FHIT: variants seen among roughly 807,000 people sequenced by gnomAD.
The protein encoded by FHIT is bis(5'-adenosyl)-triphosphatase.
FHIT carries 19 observed loss-of-function variants against 17.9 expected under a neutral mutation model. That is an observed-to-expected ratio of 1.06 (90% CI 0.74 to 1.56). The LOEUF (loss-of-function observed/expected upper bound fraction) is 1.56. Among genes scored for constraint, FHIT ranks in the 40% most tolerant of loss-of-function variants. FHIT has a pLI of 0.00. For synonymous variants in FHIT, 81 were observed against 69.7 expected, an observed-to-expected ratio of 1.16 and a Z score of -0.81; for missense variants, 248 against 189.2, an observed-to-expected ratio of 1.31 and a Z score of -1.82.
chr3:60,494,029 A>C (rs1435560539), intron 5 of FHIT, among the ~76,000 whole-genome samples: 1 of 152,218 alleles, frequency 6.6e-6, no homozygotes. Flanking sequence ...TAAATGACAT[A>C]TACTCAAATA....
intron 5 of FHIT, among the ~76,000 whole-genome samples, chr3:60,334,316 T>C (rs1260542632): frequency 6.6e-6 from 1 of 152,204 alleles, no homozygotes; most frequent in Non-Finnish European, 1.5e-5. Flanking sequence ...CACAAGGTTG[T>C]ATTACTTATA....
intron 5 of FHIT, among the ~76,000 whole-genome samples, chr3:60,527,044 G>A (rs990321084): frequency 2.0e-5 from 3 of 152,178 alleles, no homozygotes; most frequent in Non-Finnish European, 4.4e-5. Flanking sequence ...CAGTAATGTG[G>A]ATGTGGGGAG....
rs576820211 is a variant in FHIT at position 60,084,459 on chromosome 3, G to A, written c.104-70307C>T. ...TTGGGCCAGACCCTACGCTATGTGT[G>A]AGGAATTCATGAAGTTTAGGATCTA... is the stretch of plus-strand genomic sequence containing the variant. On this transcript the variant is annotated intron_variant, in intron 5 of 9. Transcript: ENST00000492590. 3.0e-3 allele frequency among the ~76,000 whole-genome samples: 463 copies of A among 152,166 alleles called. 2 individuals are homozygous for A. The highest frequency in any genetic ancestry group is 0.01 in the African/African-American group (432 of 41,534).
intron 8 of FHIT, among the ~76,000 whole-genome samples, chr3:59,869,826 C>T (rs1702839407): frequency 6.6e-6 from 1 of 151,956 alleles, no homozygotes; most frequent in African/African-American, 2.4e-5. Flanking sequence ...TTTAAAGTTA[C>T]CAGATGAAAG....
intron 1 of FHIT, among the ~76,000 whole-genome samples, chr3:61,221,458 T>G (rs779899421): frequency 8.5e-5 from 13 of 152,218 alleles, no homozygotes; most frequent in Non-Finnish European, 1.6e-4. Context: ...GTGTTTAACT[T>G]CATTTATTAC....
intron 4 of FHIT, among the ~76,000 whole-genome samples, chr3:60,562,455 A>G (rs2036986384): frequency 6.6e-6 from 1 of 152,144 alleles, no homozygotes; most frequent in African/African-American, 2.4e-5. Flanking sequence ...CTCACTTGAG[A>G]CTGGTAAATG....
At chr3:60,953,391 T>C (rs1466543301) in intron 3 of FHIT, among the ~76,000 whole-genome samples, 1 of 152,078 alleles carries the variant, frequency 6.6e-6, no homozygotes, top group African/African-American at 2.4e-5. Flanking sequence ...TAAAAGTCTA[T>C]AAAATATGAC....
intron 2 of FHIT, among the ~76,000 whole-genome samples, chr3:61,172,622 A>C (rs2038038660): frequency 1.3e-5 from 2 of 152,230 alleles, no homozygotes; most frequent in Admixed American, 1.3e-4. Context: ...ACAGTTACTA[A>C]GATAATAAAG....
At chr3:60,399,399 A>G (rs1455575275) in intron 5 of FHIT, among the ~76,000 whole-genome samples, 1 of 152,162 alleles carries the variant, frequency 6.6e-6, no homozygotes, top group African/African-American at 2.4e-5. Flanking sequence ...GATGCTGAGA[A>G]TATCAATGCC....
intron 5 of FHIT, among the ~76,000 whole-genome samples, chr3:60,455,390 G>C (rs1047861109): frequency 2.0e-5 from 3 of 152,028 alleles, no homozygotes; most frequent in Non-Finnish European, 2.9e-5. Context: ...CCATTTACAA[G>C]GTGACTGATG....
rs535131990 is a variant in FHIT, at chr3:60,296,327, G to T, written c.103+240533C>A. Among the ~76,000 whole-genome samples the T allele has an allele frequency of 1.4e-4, 22 of 152,060 alleles. 1 individual carries two copies. The South Asian group carries it at 4.6e-3, about 32-fold the overall frequency. ...CAACACGAAAGGAATCATTTTCCCC[G>T]CATCTTCACCAGCATTTAGTGTTGT... On this transcript the variant is annotated intron_variant, in intron 5 of 9. Transcript: ENST00000492590.
chr3:60,425,602 C>G (rs1280215917), intron 5 of FHIT, among the ~76,000 whole-genome samples: 1 of 151,864 alleles, frequency 6.6e-6, no homozygotes, highest in African/African-American at 2.4e-5. Context: ...CCCTTTTTTC[C>G]TTATAGAAAA....
At chr3:60,539,260 C>T (rs930460592) in intron 4 of FHIT, among the ~76,000 whole-genome samples, 2 of 152,132 alleles carry the variant, frequency 1.3e-5, no homozygotes, top group African/African-American at 2.4e-5. Flanking sequence ...CTCACACCAG[C>T]TAGAATGGCG....
intron 8 of FHIT, among the ~76,000 whole-genome samples, chr3:59,854,957 A>T (rs1702091610): frequency 6.6e-6 from 1 of 152,328 alleles, no homozygotes; most frequent in Admixed American, 6.5e-5. Context: ...TCTCTACCTC[A>T]CATAACTACA....
At chr3:59,849,854 T>C (rs1701864703) in intron 8 of FHIT, among the ~76,000 whole-genome samples, 1 of 152,220 alleles carries the variant, frequency 6.6e-6, no homozygotes, top group Admixed American at 6.5e-5. Context: ...AAGCATAATT[T>C]AATTTTTGAC....
intron 2 of FHIT, among the ~76,000 whole-genome samples, chr3:61,187,742 C>G (rs2038565772): frequency 6.6e-6 from 1 of 152,202 alleles, no homozygotes. Flanking sequence ...TCTCAGACCA[C>G]AGTGCAATCA....
chr3:59,792,187 C>T (rs1196695471), intron 8 of FHIT, among the ~76,000 whole-genome samples: 2 of 152,134 alleles, frequency 1.3e-5, no homozygotes, highest in East Asian at 1.9e-4. Flanking sequence ...CTCCTTTGAA[C>T]CCCATGGAGG....
At chr3:61,191,041 C>T (rs916648113) in intron 2 of FHIT, among the ~76,000 whole-genome samples, 12 of 151,806 alleles carry the variant, frequency 7.9e-5, no homozygotes, top group Middle Eastern at 3.2e-3. Flanking sequence ...TGTAACAAAC[C>T]TGCACATTGC....
intron 5 of FHIT, among the ~76,000 whole-genome samples, chr3:60,342,271 G>A (rs1382542756): frequency 6.6e-6 from 1 of 152,224 alleles, no homozygotes; most frequent in Non-Finnish European, 1.5e-5. Flanking sequence ...AGCAGAGAGA[G>A]CTCTTTGCAT....
Sources: gnomAD v4.1 joint callset for allele counts (sites outside exome capture counted in the v4.1 genomes callset) on GRCh38, gnomAD v4.1.1 for gene constraint, MANE v1.5 for transcripts, NCBI Gene and HGNC (gene_info 2026-07-23, HGNC 2026-07-21) for gene names.